PRRG1: variants seen among roughly 807,000 people sequenced by gnomAD.
PRRG1 encodes transmembrane gamma-carboxyglutamic acid protein 1.
Under a neutral mutation model 11.8 loss-of-function variants are expected in PRRG1, and 5 were observed. The observed-to-expected ratio is 0.42, with a 90% CI of 0.22 to 0.89. The LOEUF is 0.89. Ranked by LOEUF, PRRG1 falls within the 40% of genes least tolerant of loss-of-function variation. The pLI, the probability that PRRG1 is intolerant of heterozygous loss-of-function variation, is 0.28. For missense variants in PRRG1, 155 were observed against 166.1 expected (o/e 0.93, Z 0.37); for synonymous variants, 66 against 60.4 (o/e 1.09, Z -0.43).
chrX:37,433,606 G>C (rs116189747), intron 3 of PRRG1, among the ~76,000 whole-genome samples: 4,140 of 109,402 alleles, frequency 0.038, 201 homozygotes, highest in African/African-American at 0.13. Context: ...GCCCCATCAG[G>C]ACTGTTAGCT....
intron 1 of PRRG1, among the ~76,000 whole-genome samples, chrX:37,386,952 G>A (rs1305663586): frequency 8.9e-6 from 1 of 111,935 alleles, no homozygotes; most frequent in Non-Finnish European, 1.9e-5. Flanking sequence ...GATACGAGTT[G>A]CCAGGACCTT....
At chrX:37,358,576 T>A (rs1451600392) in intron 1 of PRRG1, among the ~76,000 whole-genome samples, 6 of 111,853 alleles carry the variant, frequency 5.4e-5, no homozygotes, top group Non-Finnish European at 7.5e-5. Flanking sequence ...CATTTACCTG[T>A]TTGTCCATTC....
At chrX:37,352,593 G>A (rs1488419861) in intron 1 of PRRG1, among the ~76,000 whole-genome samples, 3 of 110,323 alleles carry the variant, frequency 2.7e-5, no homozygotes, top group African/African-American at 9.9e-5. Flanking sequence ...TTCTTTGACC[G>A]GTTAACCTCA....
At chrX:37,380,242 G>A (rs1466017949) in intron 1 of PRRG1, among the ~76,000 whole-genome samples, 2 of 111,642 alleles carry the variant, frequency 1.8e-5, no homozygotes, top group Non-Finnish European at 3.8e-5. Flanking sequence ...AGAACTCCGA[G>A]AGCCTGTCTT....
chrX:37,450,472 A>G (rs1556396264), intron 3 of PRRG1, among the ~76,000 whole-genome samples: 1 of 112,229 alleles, frequency 8.9e-6, no homozygotes, highest in Non-Finnish European at 1.9e-5. Flanking sequence ...TCCAAAGGGG[A>G]AAGAATTAGA....
At chrX:37,409,965 G>A (rs1932309607) in intron 2 of PRRG1, among the ~76,000 whole-genome samples, 1 of 112,083 alleles carries the variant, frequency 8.9e-6, no homozygotes, top group Non-Finnish European at 1.9e-5. Context: ...GTACATATGT[G>A]TTAGAAGAAT....
At chrX:37,382,545 A>G (rs1556374038) in intron 1 of PRRG1, among the ~76,000 whole-genome samples, 2 of 111,811 alleles carry the variant, frequency 1.8e-5, no homozygotes, top group Non-Finnish European at 3.8e-5. Context: ...AACAAGGTTT[A>G]TTTCCAAATG....
intron 2 of PRRG1, among the ~76,000 whole-genome samples, chrX:37,413,533 T>G (rs1171337804): frequency 9.0e-6 from 1 of 111,628 alleles, no homozygotes; most frequent in Non-Finnish European, 1.9e-5. Context: ...TATCATATGG[T>G]AAGAGTATGT....
At chrX:37,399,901 G>C (rs1456616558) in intron 1 of PRRG1, among the ~76,000 whole-genome samples, 1 of 110,388 alleles carries the variant, frequency 9.1e-6, no homozygotes, top group Non-Finnish European at 1.9e-5. Flanking sequence ...TTACATAATG[G>C]TAAAAGGATC....
intron 1 of PRRG1, among the ~76,000 whole-genome samples, chrX:37,394,506 G>A (rs1448906650): frequency 8.9e-6 from 1 of 112,146 alleles, no homozygotes; most frequent in African/African-American, 3.2e-5. Flanking sequence ...AAGCACTGTG[G>A]TGGACAGTGA....
chrX:37,401,672 T>A (rs1392931147), intron 1 of PRRG1, among the ~76,000 whole-genome samples: 4 of 111,019 alleles, frequency 3.6e-5, no homozygotes, highest in East Asian at 2.8e-4. Flanking sequence ...GGGTATTCAA[T>A]TAGGAAAAGA....
chrX:37,403,220 G>A (rs1223015734), intron 1 of PRRG1, among the ~76,000 whole-genome samples: 45 of 109,826 alleles, frequency 4.1e-4, no homozygotes, highest in Middle Eastern at 4.2e-3. Context: ...GCAAAGACTT[G>A]GAACCAAGCC....
At chrX:37,376,730 T>C (rs967716568) in intron 1 of PRRG1, among the ~76,000 whole-genome samples, 1 of 104,408 alleles carries the variant, frequency 9.6e-6, no homozygotes, top group Non-Finnish European at 2.0e-5. Context: ...TTTGGTGAGG[T>C]AGAATCTTGT....
At chrX:37,390,451 A>G (rs1193641054) in intron 1 of PRRG1, among the ~76,000 whole-genome samples, 1 of 111,975 alleles carries the variant, frequency 8.9e-6, no homozygotes, top group Admixed American at 9.5e-5. Flanking sequence ...CTACAATTAC[A>G]TGCAACAGTA....
At chrX:37,385,261 T>A (rs1931288447) in intron 1 of PRRG1, among the ~76,000 whole-genome samples, 1 of 111,264 alleles carries the variant, frequency 9.0e-6, no homozygotes, top group African/African-American at 3.3e-5. Context: ...TCCATTTATA[T>A]GAAATTCAAA....
At chrX:37,421,300 T>G (rs1556387000) in intron 2 of PRRG1, among the ~76,000 whole-genome samples, 1 of 111,961 alleles carries the variant, frequency 8.9e-6, no homozygotes, top group Non-Finnish European at 1.9e-5. Context: ...AAAAAAGGTT[T>G]AGGTTTTTCT....
At chrX:37,425,787 A>G in intron 2 of PRRG1, 53 bp from the exon 3 acceptor site, 1 of 1,038,340 alleles carries the variant, frequency 9.6e-7, no homozygotes. Flanking sequence ...AGCAGTTTTC[A>G]TCTGGTATAT....
At chrX:37,398,222 G>A (rs1931792048) in intron 1 of PRRG1, among the ~76,000 whole-genome samples, 1 of 111,288 alleles carries the variant, frequency 9.0e-6, no homozygotes, top group Non-Finnish European at 1.9e-5. Flanking sequence ...TAACTGGGAG[G>A]CACCCCCCCA....
rs782488279 is a variant in PRRG1, at chrX:37,453,335, A to T, written c.371A>T (p.Gln124Leu). ...ACTGAAGGCCACATTCCTTTCCCTCAGCACCTTAATATTATCACCCCACCC... is the reference window on the plus strand; with the variant it reads ...ACTGAAGGCCACATTCCTTTCCCTCTGCACCTTAATATTATCACCCCACCC... Reference protein sequence around the residue: ...TVTEGHIPFPQHLNIITPPPP... With the variant: ...TVTEGHIPFPLHLNIITPPPP... Residue 124 changes from glutamine to leucine, a missense_variant, in exon 4 of 4, where the codon CAG (glutamine) becomes CTG (leucine). Transcript: ENST00000378628. 1 of 1,209,447 alleles carries T rather than the reference A, an allele frequency of 8.3e-7. No individual in the cohort carries two copies.
Sources: gnomAD v4.1 joint callset for allele counts (sites outside exome capture counted in the v4.1 genomes callset) on GRCh38, gnomAD v4.1.1 for gene constraint, MANE v1.5 for transcripts, NCBI Gene and HGNC (gene_info 2026-07-23, HGNC 2026-07-21) for gene names.